The following ANKRD24 variants were observed in gnomAD, a reference collection of about 807,000 sequenced individuals.
ANKRD24 encodes the protein ankyrin repeat domain 24, also known as ankyrin repeat domain-containing protein 24.
A neutral mutation model predicts 127.8 loss-of-function variants in ANKRD24; 109 were observed. That is an observed-to-expected ratio of 0.85 (90% CI 0.73 to 1.00). The LOEUF (loss-of-function observed/expected upper bound fraction) is 1.00, where lower values mean the gene tolerates loss of function less well. Ranked by LOEUF, ANKRD24 falls within the 50% of genes least tolerant of loss-of-function variation. The probability of loss-of-function intolerance (pLI) is 0.00; values close to 1 mark genes in which losing one functional copy is unlikely to be tolerated. For missense variants in ANKRD24, 1,648 were observed against 1,570.2 expected, an observed-to-expected ratio of 1.05 and a Z score of -0.84; for synonymous variants, 743 against 671.1, an observed-to-expected ratio of 1.11 and a Z score of -1.66.
chr19:4,197,677 G>T (rs901228943), intron 2 of ANKRD24, among the ~76,000 whole-genome samples: 1 of 152,160 alleles, frequency 6.6e-6, no homozygotes, highest in Non-Finnish European at 1.5e-5. Flanking sequence ...GAATGAATGG[G>T]TGAGCCCGTG....
At chr19:4,182,965 T>TGTGTGTGTGTGTG (rs1967814891) in intron 1 of ANKRD24, among the ~76,000 whole-genome samples, 1 of 138,582 alleles carries the variant, frequency 7.2e-6, no homozygotes, top group Non-Finnish European at 1.6e-5. Context: ...AATATCTCAT[T>TGTGTGTGTGTGTG]TGTGTGTGTG....
intron 1 of ANKRD24, 140 bp from the exon 2 acceptor site, chr19:4,186,250 G>C (rs1458346715): frequency 4.2e-6 from 6 of 1,442,704 alleles, no homozygotes; most frequent in Non-Finnish European, 5.5e-6. Context: ...GTAGGAGATA[G>C]AGCAGGTCTG....
At chr19:4,205,157 A>G (rs1031288835) in intron 7 of ANKRD24, among the ~76,000 whole-genome samples, 1 of 151,828 alleles carries the variant, frequency 6.6e-6, no homozygotes, top group Non-Finnish European at 1.5e-5. Context: ...AGAATTGCTT[A>G]AACCCGGGGA....
At position 4,198,177 on chromosome 19, in the gene ANKRD24, C is replaced by A. The variant is rs1260135066; in HGVS notation, c.37-1506C>A. ...GCCTGCGCTGGTGAGGGAGCCGGGC[C>A]CCCGGCGCCGCGTCCTCCTCATCCT... On this transcript the variant is annotated intron_variant, in intron 2 of 21. Coordinates refer to ENST00000318934, the MANE Select transcript of ANKRD24 (RefSeq NM_001393985.1). The surrounding 1 kb of genome is among the most constrained non-coding windows in gnomAD (Gnocchi z 6.1). The A allele has an allele frequency of 5.3e-6, 3 of 570,182 alleles. No individual in the cohort carries two copies. Among genetic ancestry groups the A allele is most frequent in the South Asian group, 2.0e-5 (1 of 49,056 alleles). 35.3% of individuals were successfully genotyped at this position (570,182 alleles called of 1,614,324 possible).
chr19:4,202,737 A>T, intron 6 of ANKRD24, 132 bp from the exon 7 acceptor site: 1 of 910,998 alleles, frequency 1.1e-6, no homozygotes, highest in South Asian at 1.4e-5. Flanking sequence ...ATTTTCATGA[A>T]AATGGAGTCC....
At chr19:4,194,655 C>G (rs906609199) in intron 2 of ANKRD24, among the ~76,000 whole-genome samples, 3 of 152,102 alleles carry the variant, frequency 2.0e-5, no homozygotes, top group Non-Finnish European at 4.4e-5. Flanking sequence ...GAGATGAGAT[C>G]TGATGCAGGT....
intron 2 of ANKRD24, among the ~76,000 whole-genome samples, chr19:4,192,759 C>T (rs1479023502): frequency 2.0e-5 from 3 of 150,632 alleles, no homozygotes; most frequent in African/African-American, 7.3e-5. Context: ...AGCAAGACCC[C>T]ATCTCTTCAA....
At chr19:4,194,803 A>G (rs1049621128) in intron 2 of ANKRD24, among the ~76,000 whole-genome samples, 56 of 152,016 alleles carry the variant, frequency 3.7e-4, no homozygotes, top group African/African-American at 1.3e-3. Flanking sequence ...AGGGGTGAGA[A>G]GGGGCAGAAC....
intron 15 of ANKRD24, among the ~76,000 whole-genome samples, chr19:4,213,620 T>TA (rs1025222757): frequency 6.6e-6 from 1 of 151,734 alleles, no homozygotes; most frequent in African/African-American, 2.4e-5. Flanking sequence ...CATGTCCAGC[T>TA]AATTTTTGTA....
chr19:4,217,552 C>T lies in ANKRD24; in HGVS notation c.2392C>T (p.Leu798Phe). Reference sequence around the variant, plus strand: ...GGCCCTGGAGCAGGCCCGGGAGGACCTCCGAGACCGGGACTCCCGCCTGCG... The same window carrying T: ...GGCCCTGGAGCAGGCCCGGGAGGACTTCCGAGACCGGGACTCCCGCCTGCG... ...RAALEQARED[L>F]RDRDSRLREL... Residue 798 changes from leucine (L) to phenylalanine (F), a missense_variant, in exon 18 of 22, where the codon CTC becomes TTC. Leu to Phe is a conservative substitution (Grantham distance 22). Coordinates refer to ENST00000318934, the MANE Select transcript of ANKRD24 (RefSeq NM_001393985.1). 1.5e-6 allele frequency: 2 copies of T among 1,321,726 alleles called. No homozygotes were observed. The highest frequency in any genetic ancestry group is 6.5e-5 in the East Asian group (2 of 30,846). The allele number at this position is 1,321,726 out of a possible 1,614,324, so 81.9% of individuals were successfully genotyped here.
At chr19:4,212,244 C>T (rs1228737992) in intron 13 of ANKRD24, among the ~76,000 whole-genome samples, 1 of 151,970 alleles carries the variant, frequency 6.6e-6, no homozygotes, top group East Asian at 1.9e-4. Flanking sequence ...GAATGAGGCT[C>T]AACATACAGC....
At chr19:4,219,291 AAAACAAAAAC>A (rs1394212821) in intron 18 of ANKRD24, among the ~76,000 whole-genome samples, 166 of 151,554 alleles carry the variant, frequency 1.1e-3, no homozygotes, top group Middle Eastern at 3.4e-3. Flanking sequence ...GTCTCAAAAA[AAAACAAAAAC>A]AAAACAAAAA....
At chr19:4,209,027 G>A in intron 11 of ANKRD24, 1 of 420,968 alleles carries the variant, frequency 2.4e-6, no homozygotes. Flanking sequence ...GGCTGGGGTG[G>A]GAGGGCAGTG....
intron 15 of ANKRD24, among the ~76,000 whole-genome samples, chr19:4,213,994 T>A (rs1191169547): frequency 6.6e-6 from 1 of 152,102 alleles, no homozygotes; most frequent in Non-Finnish European, 1.5e-5. Flanking sequence ...CCACTCTCTA[T>A]GCACGTGGCG....
At chr19:4,203,534 A>G (rs1969213535) in intron 7 of ANKRD24, among the ~76,000 whole-genome samples, 1 of 151,826 alleles carries the variant, frequency 6.6e-6, no homozygotes, top group South Asian at 2.1e-4. Flanking sequence ...TTATTTGTAG[A>G]TACAGGATCT....
rs1358918791 is a variant in ANKRD24, at chr19:4,195,497, C to A, written c.37-4186C>A. On this transcript the variant is annotated intron_variant, in intron 2 of 21. Coordinates refer to ENST00000318934, the MANE Select transcript of ANKRD24 (RefSeq NM_001393985.1). The surrounding 1 kb of genome is among the most constrained non-coding windows in gnomAD (Gnocchi z 4.2). The stretch of plus-strand genomic sequence containing the variant: ...GAGAAGCTCAGAGGACCTCCCCACC[C>A]CCAAGGGTGGAAGGAGAGAAGAGTT... Among the ~76,000 whole-genome samples, 1 of 152,166 alleles carries A rather than the reference C, an allele frequency of 6.6e-6. No homozygotes were observed. Among genetic ancestry groups the A allele is most frequent in the Non-Finnish European group, 1.5e-5 (1 of 68,022 alleles).
chr19:4,215,482 T>C (rs1022011504), intron 15 of ANKRD24, among the ~76,000 whole-genome samples: 29 of 115,478 alleles, frequency 2.5e-4, no homozygotes, highest in Admixed American at 1.2e-3. Flanking sequence ...AAAAAAAAAA[T>C]AGGGCCAGGC....
At chr19:4,182,986 T>C (rs190035139) in intron 1 of ANKRD24, among the ~76,000 whole-genome samples, 3 of 151,572 alleles carry the variant, frequency 2.0e-5, no homozygotes, top group African/African-American at 7.3e-5. Flanking sequence ...TGTGTGTGTG[T>C]GTGTGTGTGT....
chr19:4,212,230 G>A (rs747251135), intron 13 of ANKRD24, among the ~76,000 whole-genome samples: 6 of 151,924 alleles, frequency 3.9e-5, no homozygotes, highest in Non-Finnish European at 7.4e-5. Flanking sequence ...AAATAAATAG[G>A]AATGAATGAG....
Sources: gnomAD v4.1 joint callset for allele counts (sites outside exome capture counted in the v4.1 genomes callset) on GRCh38, gnomAD v4.1.1 for gene constraint, Gnocchi (gnomAD v3.1) non-coding constraint, MANE v1.5 for transcripts, NCBI Gene and HGNC (gene_info 2026-07-23, HGNC 2026-07-21) for gene names.